The following DDX4 variants were observed in gnomAD, a reference collection of about 807,000 sequenced individuals.
The protein encoded by DDX4 is DEAD-box helicase 4.
In DDX4, 25 loss-of-function variants were observed where a neutral mutation model predicts 100.0. That is an observed-to-expected ratio of 0.25 (90% CI 0.18 to 0.35). The LOEUF is 0.35. Among genes scored for constraint, DDX4 ranks in the 10% least tolerant of loss-of-function variants. DDX4 has a pLI of 1.00. For missense variants in DDX4, 635 were observed against 882.4 expected, an observed-to-expected ratio of 0.72 and a Z score of 3.55; for synonymous variants, 259 against 275.7, an observed-to-expected ratio of 0.94 and a Z score of 0.60.
intron 2 of DDX4, among the ~76,000 whole-genome samples, chr5:55,741,544 T>C (rs1758980878): frequency 6.6e-6 from 1 of 152,138 alleles, no homozygotes; most frequent in African/African-American, 2.4e-5. Context: ...TCCCAGCACT[T>C]TGGGAGGCTG....
chr5:55,809,631 T>G (rs574766484), intron 18 of DDX4, among the ~76,000 whole-genome samples: 17 of 152,352 alleles, frequency 1.1e-4, no homozygotes, highest in African/African-American at 4.1e-4. Flanking sequence ...AAAGACTTAC[T>G]TTGTCATAAA....
intron 18 of DDX4, among the ~76,000 whole-genome samples, chr5:55,808,738 C>T (rs944057479): frequency 3.9e-5 from 6 of 152,218 alleles, no homozygotes; most frequent in African/African-American, 1.4e-4. Flanking sequence ...CTGGGGGTGC[C>T]TCCCAGTTAG....
chr5:55,779,283 A>C (rs1741761570), intron 7 of DDX4, among the ~76,000 whole-genome samples: 1 of 152,248 alleles, frequency 6.6e-6, no homozygotes, highest in African/African-American at 2.4e-5. Flanking sequence ...AGGTTTTAAA[A>C]TACATATACT....
intron 18 of DDX4, among the ~76,000 whole-genome samples, chr5:55,805,719 G>A (rs1206108380): frequency 6.6e-5 from 10 of 152,246 alleles, no homozygotes; most frequent in East Asian, 1.9e-4. Flanking sequence ...TGCTGGATTC[G>A]GTTTGCCAGT....
At chr5:55,763,799 C>T (rs1740718117) in intron 5 of DDX4, among the ~76,000 whole-genome samples, 1 of 152,040 alleles carries the variant, frequency 6.6e-6, no homozygotes, top group Non-Finnish European at 1.5e-5. Context: ...ACAGAATTGG[C>T]TGAAAAGAAA....
chr5:55,790,687 T>C lies in DDX4; in HGVS notation c.1284T>C (p.Asp428=). 1 of 1,612,056 alleles carries C rather than the reference T, an allele frequency of 6.2e-7. No individual in the cohort carries two copies. The highest frequency in any genetic ancestry group is 8.5e-7 in the Non-Finnish European group (1 of 1,178,468). The change falls in exon 16 of 22, where the codon GAT becomes GAC. Residue 428 remains aspartate (D), a synonymous_variant. Transcript: ENST00000505374. The part of the protein sequence containing the change: ...ILCATPGRLM[D]IIGKEKIGLK... ...GTGCTACTCCTGGAAGACTGATGGA[T>C]ATCATAGGCAAAGAAAAGGTACGCC...
At chr5:55,782,820 G>A (rs1256211986) in intron 10 of DDX4, among the ~76,000 whole-genome samples, 1 of 142,790 alleles carries the variant, frequency 7.0e-6, no homozygotes, top group Non-Finnish European at 1.5e-5. Flanking sequence ...TTTTGAGACA[G>A]AGTCTCACTC....
At chr5:55,793,232 A>G (rs1315769809) in intron 17 of DDX4, among the ~76,000 whole-genome samples, 1 of 152,146 alleles carries the variant, frequency 6.6e-6, no homozygotes, top group East Asian at 1.9e-4. Context: ...TTTGAGGATC[A>G]TGTTATATAC....
At chr5:55,805,482 T>G (rs1425835055) in intron 18 of DDX4, among the ~76,000 whole-genome samples, 2 of 151,640 alleles carry the variant, frequency 1.3e-5, no homozygotes, top group Non-Finnish European at 2.9e-5. Flanking sequence ...GCTCTTATTA[T>G]TTTGAAATAC....
Position 55,817,004 on chromosome 5 carries a change from G to T in DDX4, c.*464G>T, listed in dbSNP as rs2112217942. On this transcript the variant is annotated 3_prime_UTR_variant, in exon 22 of 22. Coordinates refer to ENST00000505374, the MANE Select transcript of DDX4 (RefSeq NM_024415.3). ...GTAGAATACTTAAGCCTTTCAAAGT[G>T]ATTTTGATTTTTAGATCATCAGATG... is the stretch of plus-strand genomic sequence containing the variant. 6.5e-6 allele frequency: 1 copy of T among 152,932 alleles called. No homozygotes were observed. Among genetic ancestry groups the T allele is most frequent in the South Asian group, 2.1e-4 (1 of 4,842 alleles). 9.5% of individuals were successfully genotyped at this position (152,932 alleles called of 1,614,324 possible).
chr5:55,798,623 A>G (rs1743111792), intron 18 of DDX4, 52 bp downstream of exon 18: 7 of 1,499,030 alleles, frequency 4.7e-6, no homozygotes, highest in Non-Finnish European at 4.5e-6. Context: ...TTTTTAATGA[A>G]TAATTTAAAA....
chr5:55,760,311 C>G, intron 4 of DDX4, 34 bp downstream of exon 4: 1 of 1,516,656 alleles, frequency 6.6e-7, no homozygotes, highest in African/African-American at 1.5e-5. Flanking sequence ...ATCTCCTGAA[C>G]TGTTGAATAA....
At chr5:55,780,426 A>C (rs1216333620) in intron 8 of DDX4, among the ~76,000 whole-genome samples, 1 of 152,110 alleles carries the variant, frequency 6.6e-6, no homozygotes, top group African/African-American at 2.4e-5. Flanking sequence ...TTCTACCTTA[A>C]ATTTTTCCAG....
intron 2 of DDX4, chr5:55,741,944 C>T (rs529706047): frequency 1.1e-5 from 3 of 272,500 alleles, no homozygotes; most frequent in South Asian, 3.8e-5. Context: ...TCTTTTATAG[C>T]GGCTTTATCT....
At chr5:55,749,031 T>C (rs767863500) in intron 3 of DDX4, among the ~76,000 whole-genome samples, 4 of 152,268 alleles carry the variant, frequency 2.6e-5, no homozygotes, top group African/African-American at 9.6e-5. Context: ...CACATCTTGC[T>C]TTTATTTAAT....
intron 18 of DDX4, among the ~76,000 whole-genome samples, chr5:55,799,437 A>C (rs1658780189): frequency 6.6e-6 from 1 of 152,142 alleles, no homozygotes; most frequent in Admixed American, 6.6e-5. Flanking sequence ...GTGCAGTAGC[A>C]TGACCATGGC....
chr5:55,766,826 A>G (rs1304522738), intron 6 of DDX4: 2 of 1,363,736 alleles, frequency 1.5e-6, no homozygotes, highest in African/African-American at 1.5e-5. Flanking sequence ...GTATTCCCAA[A>G]TGTGACTTTT....
chr5:55,792,605 G>T, intron 16 of DDX4, 36 bp from the exon 17 acceptor site: 1 of 1,101,740 alleles, frequency 9.1e-7, no homozygotes, highest in Non-Finnish European at 1.3e-6. Flanking sequence ...AAACTAATAT[G>T]CATTTTCTGT....
Position 55,746,180 on chromosome 5 carries a change from A to G in DDX4, c.86A>G (p.Glu29Gly), listed in dbSNP as rs1271674528. Residue 29 changes from glutamate to glycine, a missense_variant, in exon 3 of 22, where the codon GAA (glutamate) becomes GGA (glycine). Coordinates refer to ENST00000505374, the MANE Select transcript of DDX4 (RefSeq NM_024415.3). Reference sequence around the variant, plus strand: ...TTCTCACAGGATAGGTATTCTGGAGAAAATGGAGACAATTTTAACAGGACT... The same window carrying G: ...TTCTCACAGGATAGGTATTCTGGAGGAAATGGAGACAATTTTAACAGGACT... ...PIFEKDRYSG[E>G]NGDNFNRTPA... 2.5e-6 allele frequency: 4 copies of G among 1,612,456 alleles called. No homozygotes were observed. The highest frequency in any genetic ancestry group is 3.4e-6 in the Non-Finnish European group (4 of 1,179,492).
Sources: allele counts gnomAD v4.1 joint callset (sites outside exome capture counted in the v4.1 genomes callset), GRCh38; gene constraint gnomAD v4.1.1; transcripts MANE v1.5; gene names NCBI Gene and HGNC (gene_info 2026-07-23, HGNC 2026-07-21).